Variants in SUPT3H observed in about 807,000 individuals in gnomAD.
SUPT3H encodes the protein transcription initiation protein SPT3 homolog.
In SUPT3H, 44 loss-of-function variants were observed where a neutral mutation model predicts 44.3. The observed-to-expected ratio is 0.99, with a 90% CI of 0.78 to 1.28. SUPT3H has a LOEUF of 1.28. Ranked by LOEUF, SUPT3H falls within the 50% of genes most tolerant of loss-of-function variation. The probability of loss-of-function intolerance (pLI) is 0.00; values close to 1 mark genes in which losing one functional copy is unlikely to be tolerated. For missense variants in SUPT3H, 380 were observed against 387.1 expected, an observed-to-expected ratio of 0.98 and a Z score of 0.15; for synonymous variants, 124 against 125.6, an observed-to-expected ratio of 0.99 and a Z score of 0.09.
intron 2 of SUPT3H, among the ~76,000 whole-genome samples, chr6:45,198,621 C>T (rs1367591214): frequency 2.0e-5 from 3 of 151,238 alleles, no homozygotes; most frequent in Non-Finnish European, 3.0e-5. Flanking sequence ...TCTGTAACAA[C>T]GACACAGTTA....
intron 6 of SUPT3H, among the ~76,000 whole-genome samples, chr6:44,972,621 T>C (rs989023999): frequency 2.0e-5 from 3 of 152,214 alleles, no homozygotes; most frequent in Admixed American, 2.0e-4. Context: ...ATTTCCTTTC[T>C]GCACTGCCCT....
At chr6:44,925,945 T>C (rs1241941768) in intron 10 of SUPT3H, among the ~76,000 whole-genome samples, 1 of 152,180 alleles carries the variant, frequency 6.6e-6, no homozygotes, top group Non-Finnish European at 1.5e-5. Flanking sequence ...CATTTAAACC[T>C]TTGTTACACC....
intron 2 of SUPT3H, among the ~76,000 whole-genome samples, chr6:45,132,255 T>TGA (rs983954499): frequency 6.6e-6 from 1 of 152,170 alleles, no homozygotes; most frequent in Non-Finnish European, 1.5e-5. Context: ...CTGTCCAAAC[T>TGA]GAGAGAGAGG....
Position 45,298,669 on chromosome 6 carries a change from T to A in SUPT3H, c.101+66532A>T, listed in dbSNP as rs73735350. Among the ~76,000 whole-genome samples the A allele has an allele frequency of 3.9e-3, 593 of 152,214 alleles. 7 individuals carry two copies. The highest frequency in any genetic ancestry group is 0.014 in the African/African-American group (565 of 41,544). ...TTGTAAAACATACAAAGTTATCAGA[T>A]CTGCTCAAATGAGACAGAAAAATGA... is the stretch of plus-strand genomic sequence containing the variant. On this transcript the variant is annotated intron_variant, in intron 2 of 10. Coordinates refer to ENST00000371459, the MANE Select transcript of SUPT3H (RefSeq NM_003599.4).
intron 10 of SUPT3H, among the ~76,000 whole-genome samples, chr6:44,835,490 AGGGTTGAGGTTGAAAGGGATGAAGAT>A (rs1769694312): frequency 6.8e-6 from 1 of 147,590 alleles, no homozygotes; most frequent in East Asian, 2.0e-4. Context: ...ATGGGCACAG[AGGGTTGAGGTTGAAAGGGATGAAGAT>A]GGGCACAGAG....
chr6:44,912,240 T>C (rs1767165193), intron 10 of SUPT3H, among the ~76,000 whole-genome samples: 1 of 152,196 alleles, frequency 6.6e-6, no homozygotes, highest in Non-Finnish European at 1.5e-5. Flanking sequence ...CAATAATTCC[T>C]CCTCTTCCCC....
intron 6 of SUPT3H, among the ~76,000 whole-genome samples, chr6:45,002,668 C>T (rs899151202): frequency 1.3e-5 from 2 of 151,938 alleles, no homozygotes; most frequent in Non-Finnish European, 2.9e-5. Flanking sequence ...TGCAGTTGTA[C>T]CAAACCAAGA....
chr6:45,031,925 T>C (rs1369356771), intron 3 of SUPT3H, among the ~76,000 whole-genome samples: 2 of 152,204 alleles, frequency 1.3e-5, no homozygotes, highest in Non-Finnish European at 2.9e-5. Flanking sequence ...ATGTTTACCA[T>C]GGTACACAAA....
rs574518933 is a variant in SUPT3H at position 44,904,205 on chromosome 6, AT to A, written c.912+28447del. The stretch of plus-strand genomic sequence containing the variant: ...GGGAGAAGGAAATAAAGGGTATTCA[AT>A]TAGGAAAAGAGGAAGTCAAATTGTC... On this transcript the variant is annotated intron_variant, in intron 10 of 10. Coordinates refer to ENST00000371459, the MANE Select transcript of SUPT3H (RefSeq NM_003599.4). Among the ~76,000 whole-genome samples the A allele has an allele frequency of 4.0e-3, 610 of 152,338 alleles. 6 individuals carry two copies. Among genetic ancestry groups the A allele is most frequent in the African/African-American group, 0.014 (594 of 41,572 alleles).
At chr6:45,090,144 G>A (rs1796957198) in intron 3 of SUPT3H, among the ~76,000 whole-genome samples, 1 of 152,052 alleles carries the variant, frequency 6.6e-6, no homozygotes, top group Non-Finnish European at 1.5e-5. Context: ...TTCCATTCCT[G>A]ACAACATCAT....
At chr6:45,019,840 T>C (rs915698934) in intron 4 of SUPT3H, among the ~76,000 whole-genome samples, 11 of 151,974 alleles carry the variant, frequency 7.2e-5, no homozygotes, top group Admixed American at 7.2e-4. Flanking sequence ...TACCAAATAA[T>C]AATTTTCTTA....
intron 2 of SUPT3H, chr6:45,321,985 T>C: frequency 1.4e-6 from 1 of 734,068 alleles, no homozygotes; most frequent in East Asian, 2.9e-5. Flanking sequence ...TAAAAAGTCT[T>C]GTGACCTCCC....
intron 2 of SUPT3H, among the ~76,000 whole-genome samples, chr6:45,213,669 C>T (rs773990644): frequency 1.4e-4 from 21 of 151,686 alleles, no homozygotes; most frequent in African/African-American, 4.1e-4. Flanking sequence ...TTATATCCTA[C>T]GATAATTAAT....
rs73737876 is a variant in SUPT3H at position 45,088,607 on chromosome 6, C to G, written c.186+17315G>C. ...AAGATTCAAATCCAGCAATGTTTGT[C>G]TCCAAAAACATTCCAGTCTACAAGC... is the stretch of plus-strand genomic sequence containing the variant. On this transcript the variant is annotated intron_variant, in intron 3 of 10. Coordinates refer to ENST00000371459, the MANE Select transcript of SUPT3H (RefSeq NM_003599.4). Among the ~76,000 whole-genome samples the G allele has an allele frequency of 3.9e-3, 591 of 152,148 alleles. 7 individuals carry two copies. Among genetic ancestry groups the G allele is most frequent in the African/African-American group, 0.014 (563 of 41,534 alleles).
chr6:44,839,912 G>A (rs1024578385), intron 10 of SUPT3H, among the ~76,000 whole-genome samples: 8 of 151,976 alleles, frequency 5.3e-5, no homozygotes, highest in Non-Finnish European at 1.0e-4. Context: ...GTGTTAGCCA[G>A]GATGGTCTCG....
chr6:45,092,793 G>C (rs1399012434), intron 3 of SUPT3H, among the ~76,000 whole-genome samples: 3 of 150,780 alleles, frequency 2.0e-5, no homozygotes, highest in Admixed American at 6.6e-5. Context: ...TTATTCTAGT[G>C]CTTCAAATAT....
chr6:45,364,713 T>A (rs922520426), intron 2 of SUPT3H, among the ~76,000 whole-genome samples: 2 of 152,178 alleles, frequency 1.3e-5, no homozygotes, highest in Admixed American at 6.5e-5. Context: ...ATGCTCTAAG[T>A]TTTTCCCCAA....
rs547476894 is a variant in SUPT3H at position 45,312,447 on chromosome 6, G to A, written c.101+52754C>T. On this transcript the variant is annotated intron_variant, in intron 2 of 10. Transcript: ENST00000371459. The stretch of plus-strand genomic sequence containing the variant: ...GGAGAATGGCGTGAACCCAGGAAGC[G>A]GAGCTTGCAGTGAGCCGAGATCGTG... Among the ~76,000 whole-genome samples, 55 of 151,092 alleles carry A rather than the reference G, an allele frequency of 3.6e-4. No individual in the cohort carries two copies. In the South Asian group the frequency reaches 9.2e-3, roughly 25 times the overall value.
intron 2 of SUPT3H, among the ~76,000 whole-genome samples, chr6:45,249,143 T>C (rs1020889166): frequency 6.6e-6 from 1 of 152,192 alleles, no homozygotes; most frequent in Non-Finnish European, 1.5e-5. Flanking sequence ...TTCCCAGATA[T>C]AAGAATATTT....
Sources: allele counts gnomAD v4.1 joint callset (sites outside exome capture counted in the v4.1 genomes callset), GRCh38; gene constraint gnomAD v4.1.1; transcripts MANE v1.5; gene names NCBI Gene and HGNC (gene_info 2026-07-23, HGNC 2026-07-21).